IQCM: variants seen among roughly 807,000 people sequenced by gnomAD.
The protein encoded by IQCM is IQ motif containing M.
IQCM carries 45 observed loss-of-function variants against 57.6 expected under a neutral mutation model. The ratio of observed to expected loss-of-function variants is 0.78; its 90% CI spans 0.62 to 1.00. IQCM has a LOEUF of 1.00. IQCM is among the 50% of genes least tolerant of loss of function. The pLI is 0.00. For synonymous variants in IQCM, 148 were observed against 158.9 expected (o/e 0.93, Z 0.51); for missense variants, 468 against 511.6 (o/e 0.91, Z 0.82).
At chr4:149,677,841 T>C (rs553861203) in intron 7 of IQCM, among the ~76,000 whole-genome samples, 169 of 151,980 alleles carry the variant, frequency 1.1e-3, no homozygotes, top group African/African-American at 3.5e-3. Flanking sequence ...ATTGAAATAA[T>C]TTTTTTAAAT....
chr4:149,448,613 C>CA (rs919117142), intron 12 of IQCM, among the ~76,000 whole-genome samples: 1 of 151,324 alleles, frequency 6.6e-6, no homozygotes, highest in Non-Finnish European at 1.5e-5. Context: ...AAAAAGAAGA[C>CA]AAAAAATTTT....
chr4:149,467,511 GT>G (rs1283357936), intron 12 of IQCM, among the ~76,000 whole-genome samples: 1 of 152,172 alleles, frequency 6.6e-6, no homozygotes, highest in African/African-American at 2.4e-5. Context: ...TTGCTTGTAT[GT>G]TTTTCAGCTA....
intron 5 of IQCM, among the ~76,000 whole-genome samples, chr4:149,732,502 T>G (rs888247241): frequency 6.6e-6 from 1 of 152,208 alleles, no homozygotes; most frequent in African/African-American, 2.4e-5. Flanking sequence ...GAAATTACCC[T>G]GTGTTTATCC....
chr4:149,366,930 T>A (rs1443421174), intron 13 of IQCM, among the ~76,000 whole-genome samples: 3 of 151,988 alleles, frequency 2.0e-5, no homozygotes, highest in Admixed American at 6.6e-5. Context: ...CAAAACGGAT[T>A]TGAAAAACTA....
At chr4:149,796,332 G>A (rs1773115724) in intron 2 of IQCM, among the ~76,000 whole-genome samples, 1 of 152,184 alleles carries the variant, frequency 6.6e-6, no homozygotes, top group African/African-American at 2.4e-5. Flanking sequence ...TCTCCCTTCG[G>A]AAAGGGGAAG....
At chr4:149,712,827 G>C (rs1292302123) in intron 5 of IQCM, among the ~76,000 whole-genome samples, 2 of 152,154 alleles carry the variant, frequency 1.3e-5, no homozygotes, top group African/African-American at 4.8e-5. Flanking sequence ...CCCTGGAGTA[G>C]AGGACTATAA....
At chr4:149,720,632 T>C (rs564847524) in intron 5 of IQCM, among the ~76,000 whole-genome samples, 1 of 152,336 alleles carries the variant, frequency 6.6e-6, no homozygotes, top group South Asian at 2.1e-4. Flanking sequence ...TTAAGAATTC[T>C]GTTTAGGTTC....
chr4:149,682,270 AC>A lies in IQCM; in HGVS notation c.477-65del, dbSNP rs755046209. The A allele has an allele frequency of 6.1e-4, 395 of 644,476 alleles. 1 individual carries two copies. Among genetic ancestry groups the A allele is most frequent in the Non-Finnish European group, 8.1e-4 (366 of 452,164 alleles). The allele number at this position is 644,476 out of a possible 1,614,324, so 39.9% of individuals were successfully genotyped here. A position where few individuals can be genotyped will look rare whatever the true frequency, so the allele number is the denominator to read the frequency against. On this transcript the variant is annotated intron_variant, in intron 6 of 13. Coordinates refer to ENST00000636793, the MANE Select transcript of IQCM (RefSeq NM_001363507.2). ...CCCTATTTTGTAATACAAATCTTCA[AC>A]ACTAAAGTTATGGACTAAATGCTAA...
intron 8 of IQCM, among the ~76,000 whole-genome samples, chr4:149,589,590 T>C (rs2150003995): frequency 6.6e-6 from 1 of 152,138 alleles, no homozygotes; most frequent in East Asian, 1.9e-4. Context: ...GATGCAATCT[T>C]ACTAGTAAGT....
rs186191354 is a variant in IQCM at position 149,753,276 on chromosome 4, T to A, written c.-48-10537A>T. Among the ~76,000 whole-genome samples, 12 of 151,808 alleles carry A rather than the reference T, an allele frequency of 7.9e-5. No individual in the cohort carries two copies. In the East Asian group the frequency reaches 2.3e-3, roughly 29 times the overall value. The stretch of plus-strand genomic sequence containing the variant: ...ACAATAAAAAAAATGAAAAAGAATT[T>A]AAAATAAGTAGGTTAAGACTCTACC... On this transcript the variant is annotated intron_variant, in intron 2 of 13. Coordinates refer to ENST00000636793, the MANE Select transcript of IQCM (RefSeq NM_001363507.2).
At chr4:149,461,208 G>T (rs1375588666) in intron 12 of IQCM, among the ~76,000 whole-genome samples, 2 of 144,528 alleles carry the variant, frequency 1.4e-5, no homozygotes, top group Admixed American at 1.4e-4. Flanking sequence ...ACTCCAGCCC[G>T]GGCAACAAGA....
At chr4:149,563,115 G>A (rs575446651) in intron 10 of IQCM, among the ~76,000 whole-genome samples, 2 of 152,078 alleles carry the variant, frequency 1.3e-5, no homozygotes, top group Non-Finnish European at 2.9e-5. Flanking sequence ...TCAGGATTGC[G>A]ATCTATGAAA....
intron 12 of IQCM, among the ~76,000 whole-genome samples, chr4:149,484,850 C>T (rs1011548295): frequency 2.0e-5 from 3 of 151,962 alleles, no homozygotes; most frequent in Non-Finnish European, 4.4e-5. Context: ...TTAAAGAATT[C>T]CCCTTTGTGT....
intron 12 of IQCM, among the ~76,000 whole-genome samples, chr4:149,452,830 A>G (rs1737270468): frequency 6.6e-6 from 1 of 151,554 alleles, no homozygotes; most frequent in Non-Finnish European, 1.5e-5. Flanking sequence ...ACTTAAATAA[A>G]GTAGATTATT....
At chr4:149,669,782 G>A (rs1291921584) in intron 7 of IQCM, among the ~76,000 whole-genome samples, 9 of 152,168 alleles carry the variant, frequency 5.9e-5, no homozygotes, top group African/African-American at 2.2e-4. Flanking sequence ...AGATCAGACG[G>A]TTGTAGGTGT....
intron 13 of IQCM, among the ~76,000 whole-genome samples, chr4:149,386,519 G>A (rs1578879746): frequency 1.3e-5 from 2 of 152,008 alleles, no homozygotes; most frequent in East Asian, 3.9e-4. Context: ...AGTGCATACT[G>A]CAATTGTCAT....
chr4:149,450,554 T>G (rs1737001603), intron 12 of IQCM, among the ~76,000 whole-genome samples: 1 of 151,762 alleles, frequency 6.6e-6, no homozygotes, highest in Non-Finnish European at 1.5e-5. Flanking sequence ...TCAAAAGATT[T>G]GAATAGATAT....
intron 12 of IQCM, among the ~76,000 whole-genome samples, chr4:149,479,511 CTTA>C (rs1445956206): frequency 6.6e-6 from 1 of 152,132 alleles, no homozygotes; most frequent in Non-Finnish European, 1.5e-5. Flanking sequence ...AATAGGCACT[CTTA>C]TTATTTCCAT....
intron 12 of IQCM, among the ~76,000 whole-genome samples, chr4:149,462,813 G>T (rs1442037310): frequency 6.6e-6 from 1 of 152,184 alleles, no homozygotes; most frequent in Non-Finnish European, 1.5e-5. Context: ...AAATTAGACT[G>T]CTGAATTATT....
Sources: gnomAD v4.1 joint callset for allele counts (sites outside exome capture counted in the v4.1 genomes callset) on GRCh38, gnomAD v4.1.1 for gene constraint, MANE v1.5 for transcripts, NCBI Gene and HGNC (gene_info 2026-07-23, HGNC 2026-07-21) for gene names.